EIF4G1: variants seen among roughly 807,000 people sequenced by gnomAD.
EIF4G1 encodes eukaryotic translation initiation factor 4 gamma 1.
EIF4G1 carries 4 observed loss-of-function variants against 187.8 expected under a neutral mutation model. That is an observed-to-expected ratio of 0.02 (90% CI 0.01 to 0.05). The LOEUF (loss-of-function observed/expected upper bound fraction) is 0.05. Among genes scored for constraint, EIF4G1 ranks in the 10% least tolerant of loss-of-function variants. EIF4G1 has a pLI of 1.00. For synonymous variants in EIF4G1, 844 were observed against 781.4 expected, an observed-to-expected ratio of 1.08 and a Z score of -1.34; for missense variants, 1,647 against 2,081.1, an observed-to-expected ratio of 0.79 and a Z score of 4.06.
chr3:184,324,819 G>A (rs866268497), intron 17 of EIF4G1, 59 bp from the exon 18 acceptor site: 33 of 1,580,626 alleles, frequency 2.1e-5, no homozygotes, highest in Admixed American at 1.0e-4. Context: ...AGGTAGAAAA[G>A]GGTTTTAGCC....
chr3:184,333,810 C>T (rs962509926), intron 32 of EIF4G1, among the ~76,000 whole-genome samples: 11 of 152,124 alleles, frequency 7.2e-5, no homozygotes, highest in Non-Finnish European at 1.5e-4. Context: ...GAAACTTGGG[C>T]TTGAAAATAC....
rs766448911 is a variant in EIF4G1, at chr3:184,323,639, G to T, written c.2274+46G>T. ...TGGTCTCTCTCCATTTCTTCTCCAG[G>T]TCTGCCATCTGTGCCCTCTTTGCTT... On this transcript the variant is annotated intron_variant, in intron 15 of 32. Coordinates refer to ENST00000346169, the MANE Select transcript of EIF4G1 (RefSeq NM_198241.3). This position sits in a 1 kb window ranked among gnomAD's most constrained non-coding sequence, Gnocchi z 6.9. The T allele has an allele frequency of 1.2e-6, 2 of 1,612,916 alleles. No individual in the cohort carries two copies. The highest frequency in any genetic ancestry group is 1.7e-6 in the Non-Finnish European group (2 of 1,179,862).
At chr3:184,328,121 T>C (rs2108507613) in intron 26 of EIF4G1, 119 bp downstream of exon 26, 2 of 1,219,916 alleles carry the variant, frequency 1.6e-6, no homozygotes, top group South Asian at 1.2e-5. Flanking sequence ...TGGTGGCTTA[T>C]GCCTGTAATC....
In EIF4G1 at chr3:184,328,731, G is replaced by A; in HGVS notation, c.4054G>A (p.Gly1352Arg). 1 of 1,614,180 alleles carries A rather than the reference G, an allele frequency of 6.2e-7. No individual in the cohort carries two copies. The highest frequency in any genetic ancestry group is 8.5e-7 in the Non-Finnish European group (1 of 1,180,036). Residue 1352 changes from glycine (G) to arginine (R), a missense_variant, in exon 27 of 33, where the codon GGG becomes AGG. Physicochemically the swap from Gly to Arg is moderately radical, Grantham distance 125. Around this residue, in one of 11 missense-constraint regions of EIF4G1, gnomAD observed 543 missense variants for 638.0 expected, o/e 0.85. Transcript: ENST00000346169. ...GGTAACACCCATTCTGCAGGAAGGT[G>A]GGGTGCCCATGGGGGAGCTGTTCAG... ...ELVTPILQEG[G>R]VPMGELFREI... is the part of the protein sequence containing the mutation.
chr3:184,319,937 A>G, intron 7 of EIF4G1, 136 bp downstream of exon 7: 1 of 720,484 alleles, frequency 1.4e-6, no homozygotes, highest in East Asian at 2.7e-5. Context: ...GTGTCTGTGG[A>G]GGGCTCAGGT....
rs1321469704 is a variant in EIF4G1 at position 184,331,281 on chromosome 3, G to A, written c.4177G>A (p.Gly1393Arg). 1.2e-6 allele frequency: 2 copies of A among 1,614,170 alleles called. No homozygotes were observed. Among genetic ancestry groups the A allele is most frequent in the Admixed American group, 1.7e-5 (1 of 60,022 alleles). Residue 1393 changes from glycine (G) to arginine (R), a missense_variant, in exon 29 of 33, where the codon GGG (glycine) becomes AGG (arginine). By Grantham distance (125) the Gly-to-Arg change is moderately radical (BLOSUM62 -2). Transcript: ENST00000346169. ...LCKSMGPKKV[G>R]TLWREAGLSW... ...TGTTTTCCAGGGTCCTAAAAAGGTG[G>A]GGACGCTGTGGCGAGAAGCCGGGCT...
intron 32 of EIF4G1, among the ~76,000 whole-genome samples, chr3:184,333,431 G>A (rs1038666532): frequency 2.5e-4 from 38 of 152,178 alleles, no homozygotes; most frequent in Non-Finnish European, 3.5e-4. Flanking sequence ...GCCTGAGGGA[G>A]AGTGATAAGG....
chr3:184,330,385 A>T (rs1289813694), intron 28 of EIF4G1, among the ~76,000 whole-genome samples: 1 of 152,146 alleles, frequency 6.6e-6, no homozygotes, highest in East Asian at 1.9e-4. Context: ...TCTCAAAATA[A>T]AAAAAGATAT....
chr3:184,321,542 C>T lies in EIF4G1; in HGVS notation c.958C>T (p.Leu320Phe). ...PYRLSPEPTP[L>F]AEPILEVEVT... ...TCGCCTCTCTCCAGAACCCACTCCT[C>T]TCGCCGAACCCATACTGGAAGTAGA... Residue 320 changes from leucine to phenylalanine, a missense_variant, in exon 10 of 33, where the codon CTC (leucine) becomes TTC (phenylalanine). Physicochemically the swap from Leu to Phe is conservative, Grantham distance 22. This residue lies in a region of EIF4G1 where 522 missense variants were observed against 485.2 expected (regional missense o/e 1.08). Coordinates refer to ENST00000346169, the MANE Select transcript of EIF4G1 (RefSeq NM_198241.3). The T allele has an allele frequency of 6.2e-7, 1 of 1,614,224 alleles. No homozygotes were observed. The highest frequency in any genetic ancestry group is 8.5e-7 in the Non-Finnish European group (1 of 1,180,044).
intron 7 of EIF4G1, chr3:184,320,310 G>A (rs1577199745): frequency 1.6e-6 from 2 of 1,287,944 alleles, no homozygotes; most frequent in East Asian, 3.9e-5. Flanking sequence ...GAGCCGATTG[G>A]GTTCTAGATG....
intron 4 of EIF4G1, chr3:184,316,627 C>G: frequency 1.5e-6 from 2 of 1,313,414 alleles, no homozygotes; most frequent in South Asian, 2.6e-5. Flanking sequence ...TGGGAGGATT[C>G]TTGTCCTGTC....
At chr3:184,319,627 G>A in intron 6 of EIF4G1, 62 bp from the exon 7 acceptor site, 1 of 1,097,628 alleles carries the variant, frequency 9.1e-7, no homozygotes, top group South Asian at 1.3e-5. Context: ...TGTCAGGCAG[G>A]CATTAGTATA....
rs764486815 is a variant in EIF4G1 at position 184,327,558 on chromosome 3, C to T, written c.3662-28C>T. 9 of 1,613,434 alleles carry T rather than the reference C, an allele frequency of 5.6e-6. No homozygotes were observed. The East Asian group carries it at 1.1e-4, about 20-fold the overall frequency. On this transcript the variant is annotated intron_variant, in intron 24 of 32. Coordinates refer to ENST00000346169, the MANE Select transcript of EIF4G1 (RefSeq NM_198241.3). ...TTGTTTGCTGGGAAGACTGAAAAGT[C>T]CCTCTAATCTGTGTTCTCTTCCCAC... is the stretch of plus-strand genomic sequence containing the variant.
chr3:184,326,654 G>A (rs779002836), intron 22 of EIF4G1, 25 bp downstream of exon 22: 38 of 1,605,596 alleles, frequency 2.4e-5, no homozygotes, highest in Non-Finnish European at 3.1e-5. Flanking sequence ...TCAGGAGCTG[G>A]GTGGTTACCC....
Position 184,321,861 on chromosome 3 carries a change from A to G in EIF4G1, c.1277A>G (p.Lys426Arg). The G allele has an allele frequency of 1.2e-6, 2 of 1,614,102 alleles. No homozygotes were observed. The highest frequency in any genetic ancestry group is 2.2e-5 in the East Asian group (1 of 44,888). The change falls in exon 10 of 33, where the codon AAG becomes AGG. Residue 426 changes from lysine to arginine, a missense_variant. Physicochemically the swap from Lys to Arg is conservative, Grantham distance 26. Around this residue, in one of 11 missense-constraint regions of EIF4G1, gnomAD observed 522 missense variants for 485.2 expected, o/e 1.08. Coordinates refer to ENST00000346169, the MANE Select transcript of EIF4G1 (RefSeq NM_198241.3). ...GTCAGTGAGCCAGAGGAGCAGGCCA[A>G]GGAGGTGACAGCATCAATGGCGCCC... ...SPVSEPEEQA[K>R]EVTASMAPPT...
intron 22 of EIF4G1, 118 bp downstream of exon 22, chr3:184,326,747 A>G (rs1577232289): frequency 6.8e-7 from 1 of 1,479,090 alleles, no homozygotes; most frequent in East Asian, 2.3e-5. Context: ...GCAATAGAGG[A>G]GGTTTGTGTT....
chr3:184,321,230 C>T (rs368438835), intron 9 of EIF4G1, 52 bp from the exon 10 acceptor site: 23 of 1,607,916 alleles, frequency 1.4e-5, no homozygotes, highest in African/African-American at 9.4e-5. Context: ...GGAGGAACAA[C>T]AGCAGTTAAG....
chr3:184,317,254 T>G, intron 4 of EIF4G1, 67 bp from the exon 5 acceptor site: 3 of 1,564,254 alleles, frequency 1.9e-6, no homozygotes, highest in Non-Finnish European at 2.6e-6. Context: ...AGAGACATTG[T>G]GGAGTGGCAA....
rs972536928 is a variant in EIF4G1 at position 184,316,564 on chromosome 3, A to G, written c.147+346A>G. 3.9e-6 allele frequency: 3 copies of G among 767,042 alleles called. No homozygotes were observed. The African/African-American group carries it at 5.2e-5, about 13-fold the overall frequency. The allele number at this position is 767,042 out of a possible 1,614,324, so 47.5% of individuals were successfully genotyped here. On this transcript the variant is annotated intron_variant, in intron 4 of 32. Coordinates refer to ENST00000346169, the MANE Select transcript of EIF4G1 (RefSeq NM_198241.3). Reference sequence around the variant, plus strand: ...TTCTCTTTGGACTGTGGTGAGGTAAACACTCCAGCTGGTCCTTGCCTTTCT... The same window carrying G: ...TTCTCTTTGGACTGTGGTGAGGTAAGCACTCCAGCTGGTCCTTGCCTTTCT...
Sources: gnomAD v4.1 joint callset for allele counts (sites outside exome capture counted in the v4.1 genomes callset) on GRCh38, gnomAD v4.1.1 for gene constraint, gnomAD v4.1.1 regional missense constraint, Gnocchi (gnomAD v3.1) non-coding constraint, MANE v1.5 for transcripts, NCBI Gene and HGNC (gene_info 2026-07-23, HGNC 2026-07-21) for gene names.